Variants in INSL6 observed in about 807,000 individuals in gnomAD.
INSL6 encodes insulin-like peptide INSL6.
INSL6 carries 16 observed loss-of-function variants against 9.4 expected under a neutral mutation model. The ratio of observed to expected loss-of-function variants is 1.70; its 90% CI spans 1.15 to 2.59. INSL6 has a LOEUF of 2.59. INSL6 is among the 30% of genes most tolerant of loss of function. The probability of loss-of-function intolerance (pLI) is 0.00; values close to 1 mark genes in which losing one functional copy is unlikely to be tolerated. For synonymous variants in INSL6, 154 were observed against 96.9 expected, an observed-to-expected ratio of 1.59 and a Z score of -3.46; for missense variants, 391 against 257.3, an observed-to-expected ratio of 1.52 and a Z score of -3.56.
the INSL6 span, chr9:5,114,747 C>T: frequency 3.0e-6 from 1 of 338,210 alleles, no homozygotes; most frequent in South Asian, 2.5e-5. Flanking sequence ...CTCTGTGGTC[C>T]ATGAGACAGC....
intron 1 of INSL6, among the ~76,000 whole-genome samples, chr9:5,177,234 G>C (rs1825329530): frequency 6.6e-6 from 1 of 152,170 alleles, no homozygotes; most frequent in Non-Finnish European, 1.5e-5. Flanking sequence ...AGAGAAAGAA[G>C]AAATGCAGGG....
At chr9:4,993,306 C>T in the INSL6 span, among the ~76,000 whole-genome samples, 1 of 152,312 alleles carries the variant, frequency 6.6e-6, no homozygotes, top group East Asian at 1.9e-4. Flanking sequence ...ATCTTATAAT[C>T]ACACTCTAGA....
chr9:5,126,410 T>C (rs1415418924), intron 3 of INSL6: 4 of 1,610,734 alleles, frequency 2.5e-6, no homozygotes, highest in South Asian at 2.2e-5. Flanking sequence ...TGAAGAATAA[T>C]GGAAGATTAC....
chr9:5,039,732 A>G, the INSL6 span, among the ~76,000 whole-genome samples: 7 of 152,294 alleles, frequency 4.6e-5, no homozygotes, highest in Middle Eastern at 6.8e-3. Flanking sequence ...AATTTCATTA[A>G]CAATAGCATA....
At chr9:5,035,837 C>T in the INSL6 span, among the ~76,000 whole-genome samples, 1 of 152,196 alleles carries the variant, frequency 6.6e-6, no homozygotes. Context: ...GGGATGCCCT[C>T]TCTCACCACT....
chr9:5,031,303 C>A, the INSL6 span, among the ~76,000 whole-genome samples: 1 of 152,134 alleles, frequency 6.6e-6, no homozygotes, highest in African/African-American at 2.4e-5. Flanking sequence ...GAGATATTTT[C>A]ACATTATATG....
the INSL6 span, chr9:5,072,771 G>C: frequency 4.2e-6 from 2 of 476,858 alleles, no homozygotes; most frequent in South Asian, 1.7e-4. Context: ...CATTCTTGTG[G>C]GGCTATAGAA....
At chr9:5,128,739 A>G (rs75826419) in intron 3 of INSL6, among the ~76,000 whole-genome samples, 15,087 of 151,964 alleles carry the variant, frequency 0.099, 2,312 homozygotes, top group African/African-American at 0.34. Context: ...GAGGCTTCGT[A>G]AAGTTTTCCA....
the INSL6 span, among the ~76,000 whole-genome samples, chr9:5,113,161 T>C: frequency 1.4e-5 from 2 of 147,032 alleles, no homozygotes; most frequent in Non-Finnish European, 3.0e-5. Context: ...TGAAACTGCA[T>C]CTTGGCCCTG....
chr9:4,996,889 G>A, the INSL6 span, among the ~76,000 whole-genome samples: 3 of 150,794 alleles, frequency 2.0e-5, no homozygotes, highest in Non-Finnish European at 4.4e-5. Context: ...CAGTCTTCAT[G>A]GTGGGAGTTC....
chr9:5,107,293 C>T, the INSL6 span, among the ~76,000 whole-genome samples: 2 of 152,116 alleles, frequency 1.3e-5, no homozygotes, highest in Non-Finnish European at 2.9e-5. Context: ...TACATTTTTA[C>T]TTCCACAAAT....
chr9:5,110,861 G>A, the INSL6 span: 30 of 489,990 alleles, frequency 6.1e-5, no homozygotes, highest in East Asian at 1.3e-3. Flanking sequence ...GCTTCATGCC[G>A]CCGCGCCCAG....
At chr9:5,079,611 G>GT in the INSL6 span, among the ~76,000 whole-genome samples, 1 of 151,694 alleles carries the variant, frequency 6.6e-6, no homozygotes, top group African/African-American at 2.4e-5. Flanking sequence ...ATACCAAAAA[G>GT]TATCATGGGG....
At chr9:5,049,838 A>G in the INSL6 span, among the ~76,000 whole-genome samples, 1 of 152,244 alleles carries the variant, frequency 6.6e-6, no homozygotes, top group Non-Finnish European at 1.5e-5. Flanking sequence ...GCTCTAGGCT[A>G]CAAACTTATA....
At chr9:5,091,067 G>A in the INSL6 span, 4 of 562,544 alleles carry the variant, frequency 7.1e-6, no homozygotes, top group African/African-American at 3.9e-5. Context: ...AGGTCTTATA[G>A]TCATGGTTAT....
In INSL6 at chr9:5,185,525, G is replaced by A; in HGVS notation, c.78C>T (p.Ile26=). ...TGCCGCACAGCTTCCTGGCACTGCTGATGTCGCTCAGTTCACGAGAAAACC... is the reference window on the plus strand; with the variant it reads ...TGCCGCACAGCTTCCTGGCACTGCTAATGTCGCTCAGTTCACGAGAAAACC... The part of the protein sequence containing the change: ...LVRFSRELSD[I]SSARKLCGRY... The change falls in exon 1 of 2, where the codon ATC becomes ATT. Residue 26 remains isoleucine, a synonymous_variant. Transcript: ENST00000381641. The A allele has an allele frequency of 6.2e-7, 1 of 1,614,180 alleles. No individual in the cohort carries two copies.
chr9:5,103,167 A>G, the INSL6 span, among the ~76,000 whole-genome samples: 1 of 148,010 alleles, frequency 6.8e-6, no homozygotes, highest in East Asian at 2.0e-4. Flanking sequence ...GTGCAGAGAA[A>G]CACATGGGCT....
At chr9:5,041,376 G>A in the INSL6 span, 1 of 625,080 alleles carries the variant, frequency 1.6e-6, no homozygotes, top group South Asian at 1.7e-5. Flanking sequence ...ATGCACCTGG[G>A]CAAGGAGCAG....
the INSL6 span, among the ~76,000 whole-genome samples, chr9:5,105,753 A>C: frequency 2.6e-5 from 4 of 152,210 alleles, no homozygotes; most frequent in East Asian, 7.7e-4. Flanking sequence ...CTCAGAAATA[A>C]CACCACACAT....
Sources: gnomAD v4.1 joint callset for allele counts (sites outside exome capture counted in the v4.1 genomes callset) on GRCh38, gnomAD v4.1.1 for gene constraint, MANE v1.5 for transcripts, NCBI Gene and HGNC (gene_info 2026-07-23, HGNC 2026-07-21) for gene names.